Variants in CDYL observed in about 807,000 individuals in gnomAD.
The protein encoded by CDYL is chromodomain Y-like protein.
A neutral mutation model predicts 47.3 loss-of-function variants in CDYL; 8 were observed. That is an observed-to-expected ratio of 0.17 (90% confidence interval 0.10 to 0.31). The LOEUF (loss-of-function observed/expected upper bound fraction) is 0.31. Ranked by LOEUF, CDYL falls within the 10% of genes least tolerant of loss-of-function variation. The pLI is 1.00. For missense variants in CDYL, 471 were observed against 701.4 expected (o/e 0.67, Z 3.71); for synonymous variants, 266 against 265.0 (o/e 1.00, Z -0.04).
chr6:4,873,985 T>C (rs1364880600), intron 1 of CDYL, among the ~76,000 whole-genome samples: 1 of 152,144 alleles, frequency 6.6e-6, no homozygotes, highest in Non-Finnish European at 1.5e-5. Flanking sequence ...CTTGTGTTCA[T>C]TCCTTAGCTA....
upstream of CDYL, among the ~76,000 whole-genome samples, chr6:4,772,335 T>G (rs1758349709): frequency 1.3e-5 from 2 of 152,166 alleles, no homozygotes; most frequent in Admixed American, 1.3e-4. Context: ...GGGACCAACA[T>G]GGAGGGCGGC....
At chr6:4,808,161 C>T (rs928148823) in intron 1 of CDYL, among the ~76,000 whole-genome samples, 8 of 152,158 alleles carry the variant, frequency 5.3e-5, no homozygotes, top group South Asian at 2.1e-4. Flanking sequence ...TATTGGCAAA[C>T]GGCATTTAGA....
chr6:4,952,214 C>T, intron 5 of CDYL, 52 bp from the exon 6 acceptor site: 1 of 1,584,662 alleles, frequency 6.3e-7, no homozygotes, highest in African/African-American at 1.3e-5. Flanking sequence ...ATGGGTCTTC[C>T]CCGCCCGCCT....
chr6:4,911,205 C>A (rs906466215), intron 2 of CDYL, among the ~76,000 whole-genome samples: 4 of 152,144 alleles, frequency 2.6e-5, no homozygotes, highest in Admixed American at 6.5e-5. Context: ...GCGAAGATGT[C>A]ATGACAAACT....
chr6:4,906,051 C>G (rs1208802025), intron 2 of CDYL, among the ~76,000 whole-genome samples: 1 of 152,104 alleles, frequency 6.6e-6, no homozygotes, highest in Non-Finnish European at 1.5e-5. Context: ...ATGACGTGGT[C>G]TCTAAGGAGG....
chr6:4,823,312 A>C (rs1759891322), intron 1 of CDYL, among the ~76,000 whole-genome samples: 1 of 152,200 alleles, frequency 6.6e-6, no homozygotes. Flanking sequence ...ATGTATACTT[A>C]AACATAACAT....
intron 1 of CDYL, among the ~76,000 whole-genome samples, chr6:4,854,815 G>A (rs997386314): frequency 1.3e-5 from 2 of 152,288 alleles, no homozygotes; most frequent in African/African-American, 4.8e-5. Flanking sequence ...ACCACACACC[G>A]ATTTAGGTTT....
At chr6:4,754,881 TGTAA>T (rs1386276211) in intron 3 of CDYL, among the ~76,000 whole-genome samples, 1 of 152,226 alleles carries the variant, frequency 6.6e-6, no homozygotes. Flanking sequence ...CACTCTGAAA[TGTAA>T]GTAATACATG....
At chr6:4,807,908 A>G (rs936351375) in intron 1 of CDYL, among the ~76,000 whole-genome samples, 1 of 152,006 alleles carries the variant, frequency 6.6e-6, no homozygotes, top group Non-Finnish European at 1.5e-5. Context: ...CGCCGGGCTC[A>G]TTTATGTCTT....
chr6:4,878,542 A>G (rs76454322), intron 1 of CDYL, among the ~76,000 whole-genome samples: 2,228 of 152,136 alleles, frequency 0.015, 144 homozygotes, highest in Admixed American at 0.11. Flanking sequence ...TTATCAAGGA[A>G]CATGTCTACT....
At chr6:4,889,844 A>G (rs930689361) in intron 1 of CDYL, 16 of 402,222 alleles carry the variant, frequency 4.0e-5, no homozygotes, top group Admixed American at 6.4e-5. Context: ...ATGCCTAAAA[A>G]CGGAGCACAC....
chr6:4,912,645 A>G (rs1030747470), intron 2 of CDYL, among the ~76,000 whole-genome samples: 4 of 152,200 alleles, frequency 2.6e-5, no homozygotes, highest in African/African-American at 9.6e-5. Flanking sequence ...GAAACTACGT[A>G]ATTTACAAAG....
intron 1 of CDYL, among the ~76,000 whole-genome samples, chr6:4,807,684 G>A (rs1436144614): frequency 7.8e-6 from 1 of 127,942 alleles, no homozygotes; most frequent in African/African-American, 2.9e-5. Flanking sequence ...GCTCACTGCA[G>A]CCTCTACCTC....
At chr6:4,831,412 A>G (rs1198722891) in intron 1 of CDYL, among the ~76,000 whole-genome samples, 3 of 151,496 alleles carry the variant, frequency 2.0e-5, no homozygotes, top group Admixed American at 6.6e-5. Context: ...TATTTCTGAG[A>G]GCTCTGTTCT....
intron 3 of CDYL, 95 bp downstream of exon 3, chr6:4,935,866 T>C (rs926519133): frequency 2.5e-5 from 39 of 1,550,832 alleles, no homozygotes; most frequent in Middle Eastern, 3.8e-4. Flanking sequence ...GTGCTCTTTC[T>C]AAACCTCCTT....
intron 1 of CDYL, among the ~76,000 whole-genome samples, chr6:4,826,815 T>G (rs1404233233): frequency 1.3e-5 from 2 of 152,252 alleles, no homozygotes; most frequent in African/African-American, 4.8e-5. Context: ...TTCTGCTGTT[T>G]GGTGAAGTGT....
chr6:4,717,842 T>TC (rs1376561131), intron 2 of CDYL, among the ~76,000 whole-genome samples: 1 of 151,628 alleles, frequency 6.6e-6, no homozygotes, highest in Non-Finnish European at 1.5e-5. Context: ...CTGTTAGATT[T>TC]TTTTTTTTCT....
intron 2 of CDYL, among the ~76,000 whole-genome samples, chr6:4,895,303 A>ACATGTGTATATATGCATATATG (rs1438045233): frequency 7.1e-6 from 1 of 140,610 alleles, no homozygotes; most frequent in African/African-American, 3.0e-5. Flanking sequence ...ATGTATGTAT[A>ACATGTGTATATATGCATATATG]TATGTGCATA....
chr6:4,709,812 T>A (rs955031754), intron 1 of CDYL, among the ~76,000 whole-genome samples: 1 of 152,232 alleles, frequency 6.6e-6, no homozygotes, highest in African/African-American at 2.4e-5. Flanking sequence ...CTTAGCTTGA[T>A]TCGGTGTGAG....
Sources: gnomAD v4.1 joint callset for allele counts (sites outside exome capture counted in the v4.1 genomes callset) on GRCh38, gnomAD v4.1.1 for gene constraint, MANE v1.5 for transcripts, NCBI Gene and HGNC (gene_info 2026-07-23, HGNC 2026-07-21) for gene names.